Variants in SH2D4B observed in about 807,000 individuals in gnomAD.
The protein encoded by SH2D4B is SH2 domain-containing protein 4B.
A neutral mutation model predicts 61.5 loss-of-function variants in SH2D4B; 45 were observed. The ratio of observed to expected loss-of-function variants is 0.73; its 90% CI spans 0.58 to 0.94. The LOEUF (loss-of-function observed/expected upper bound fraction) is 0.94, where lower values mean the gene tolerates loss of function less well. Ranked by LOEUF, SH2D4B falls within the 40% of genes least tolerant of loss-of-function variation. The probability of loss-of-function intolerance (pLI) is 0.00; values close to 1 mark genes in which losing one functional copy is unlikely to be tolerated. For synonymous variants in SH2D4B, 224 were observed against 220.4 expected, an observed-to-expected ratio of 1.02 and a Z score of -0.14; for missense variants, 572 against 574.2, an observed-to-expected ratio of 1.00 and a Z score of 0.04.
At chr10:80,575,421 C>T (rs2132121702) in intron 3 of SH2D4B, among the ~76,000 whole-genome samples, 1 of 152,164 alleles carries the variant, frequency 6.6e-6, no homozygotes, top group Middle Eastern at 3.4e-3. Flanking sequence ...CACAACTACT[C>T]AACTCTGCTG....
intron 3 of SH2D4B, among the ~76,000 whole-genome samples, chr10:80,575,999 C>G (rs7072583): frequency 2.0e-5 from 3 of 152,088 alleles, no homozygotes; most frequent in Non-Finnish European, 4.4e-5. Flanking sequence ...CTCTCCTAAC[C>G]GTGAAAGCAC....
Position 80,564,709 on chromosome 10 carries a change from G to T in SH2D4B, c.185-5445G>T, listed in dbSNP as rs1391094244. Among the ~76,000 whole-genome samples the T allele has an allele frequency of 2.6e-5, 4 of 152,178 alleles. No individual in the cohort carries two copies. In the East Asian group the frequency reaches 7.7e-4, roughly 29 times the overall value. ...TGAATCCTATTTTATTCAACTGCCT[G>T]TTGAGTGTCTAATAAGCATGTCAAA... On this transcript the variant is annotated intron_variant, in intron 1 of 7. Coordinates refer to ENST00000646907, the MANE Select transcript of SH2D4B (RefSeq NM_001388272.1).
chr10:80,568,961 A>T (rs1239864148), intron 1 of SH2D4B, among the ~76,000 whole-genome samples: 3 of 152,228 alleles, frequency 2.0e-5, no homozygotes, highest in Non-Finnish European at 4.4e-5. Flanking sequence ...CTGCTGCATA[A>T]CATGGATCTC....
At chr10:80,544,538 C>A (rs1215612825) in intron 1 of SH2D4B, among the ~76,000 whole-genome samples, 1 of 152,256 alleles carries the variant, frequency 6.6e-6, no homozygotes, top group Admixed American at 6.5e-5. Context: ...GTTTCCTGGG[C>A]CCGTCCAGTA....
Position 80,603,638 on chromosome 10 carries a change from G to A in SH2D4B, c.703G>A (p.Glu235Lys), listed in dbSNP as rs201596850. Residue 235 changes from glutamate (E) to lysine (K), a missense_variant, in exon 5 of 8, where the codon GAG (glutamate) becomes AAG (lysine). Coordinates refer to ENST00000646907, the MANE Select transcript of SH2D4B (RefSeq NM_001388272.1). ...CCGCCGAGCCCAGCGCGCCCGGGAC[G>A]AGTACCGACACCACTCGCTCCGTGC... ...RSRRAQRARD[E>K]YRHHSLRAIQ... The A allele has an allele frequency of 8.1e-6, 13 of 1,599,504 alleles. No homozygotes were observed. Among genetic ancestry groups the A allele is most frequent in the Admixed American group, 5.2e-5 (3 of 57,556 alleles).
chr10:80,552,376 C>T (rs1028444178), intron 1 of SH2D4B, among the ~76,000 whole-genome samples: 3 of 152,198 alleles, frequency 2.0e-5, no homozygotes, highest in South Asian at 2.1e-4. Context: ...GCCTCTCCTG[C>T]GCTACTTCAG....
At chr10:80,572,349 G>C (rs916818411) in intron 3 of SH2D4B, among the ~76,000 whole-genome samples, 8 of 152,142 alleles carry the variant, frequency 5.3e-5, no homozygotes, top group African/African-American at 1.9e-4. Flanking sequence ...TCTATTGACA[G>C]GTGCTGGTTA....
chr10:80,583,124 G>A (rs941165407), intron 3 of SH2D4B, among the ~76,000 whole-genome samples: 3 of 152,060 alleles, frequency 2.0e-5, no homozygotes, highest in Admixed American at 6.6e-5. Flanking sequence ...CAAATCAAAC[G>A]AACTTAAACC....
chr10:80,622,867 C>T (rs1330389889), intron 6 of SH2D4B, among the ~76,000 whole-genome samples: 2 of 152,130 alleles, frequency 1.3e-5, no homozygotes, highest in Non-Finnish European at 2.9e-5. Flanking sequence ...TTTCTCGGCC[C>T]ATTTGAGCTG....
intron 1 of SH2D4B, chr10:80,540,753 G>A (rs1432900877): frequency 2.8e-6 from 4 of 1,434,118 alleles, no homozygotes; most frequent in African/African-American, 2.8e-5. Flanking sequence ...GCTTGTCCTG[G>A]AGACGGTGGG....
intron 6 of SH2D4B, among the ~76,000 whole-genome samples, chr10:80,625,101 C>T (rs1381718268): frequency 6.6e-6 from 1 of 152,120 alleles, no homozygotes; most frequent in Non-Finnish European, 1.5e-5. Context: ...GCATTGTGAG[C>T]TTTTCAACCT....
At chr10:80,588,884 A>G (rs1471059103) in intron 4 of SH2D4B, 107 bp downstream of exon 4, 58 of 1,384,532 alleles carry the variant, frequency 4.2e-5, no homozygotes, top group Non-Finnish European at 5.4e-5. Context: ...CACTCACCCC[A>G]TCAGCCTTTA....
rs944081976 is a variant in SH2D4B, at chr10:80,587,148, T to G, written c.496-1482T>G. Among the ~76,000 whole-genome samples, 321 of 50,304 alleles carry G rather than the reference T, an allele frequency of 6.4e-3. 2 individuals are homozygous for G. The highest frequency in any genetic ancestry group is 0.028 in the East Asian group (34 of 1,232). 33.0% of individuals were successfully genotyped at this position (50,304 alleles called of 152,430 possible). On this transcript the variant is annotated intron_variant, in intron 3 of 7. Coordinates refer to ENST00000646907, the MANE Select transcript of SH2D4B (RefSeq NM_001388272.1). ...CGGCCACGTTTTTTTTTTTTTTTGT[T>G]TTGTTTTTTTTTTTTTTTTTGGAGA...
chr10:80,571,004 A>T (rs1842035311), intron 2 of SH2D4B, among the ~76,000 whole-genome samples: 1 of 151,970 alleles, frequency 6.6e-6, no homozygotes, highest in Non-Finnish European at 1.5e-5. Context: ...CCTCCTGAGT[A>T]TCTGGGACAC....
At chr10:80,574,696 T>A (rs1589341015) in intron 3 of SH2D4B, among the ~76,000 whole-genome samples, 1 of 151,948 alleles carries the variant, frequency 6.6e-6, no homozygotes, top group South Asian at 2.1e-4. Context: ...TATTATCAAT[T>A]AATTAATTAA....
chr10:80,629,541 T>C (rs1842806490), intron 6 of SH2D4B, among the ~76,000 whole-genome samples: 1 of 152,190 alleles, frequency 6.6e-6, no homozygotes, highest in African/African-American at 2.4e-5. Flanking sequence ...CAGCAGCCTA[T>C]GTTTGAGAGA....
At chr10:80,570,953 C>T (rs1362061888) in intron 2 of SH2D4B, among the ~76,000 whole-genome samples, 1 of 152,156 alleles carries the variant, frequency 6.6e-6, no homozygotes, top group African/African-American at 2.4e-5. Context: ...AGGCTCACTG[C>T]AGCCTTGATC....
At chr10:80,560,910 G>A (rs1178408288) in intron 1 of SH2D4B, among the ~76,000 whole-genome samples, 1 of 151,946 alleles carries the variant, frequency 6.6e-6, no homozygotes, top group Non-Finnish European at 1.5e-5. Context: ...AATCAATAGT[G>A]AGTGAATCTT....
chr10:80,598,491 A>C (rs1842411264), intron 4 of SH2D4B, among the ~76,000 whole-genome samples: 1 of 152,236 alleles, frequency 6.6e-6, no homozygotes. Flanking sequence ...CCTTTCTTAA[A>C]GAATGATGAG....
Sources: gnomAD v4.1 joint callset for allele counts (sites outside exome capture counted in the v4.1 genomes callset) on GRCh38, gnomAD v4.1.1 for gene constraint, MANE v1.5 for transcripts, NCBI Gene and HGNC (gene_info 2026-07-23, HGNC 2026-07-21) for gene names.